The following DCAF17 variants were observed in gnomAD, a reference collection of about 807,000 sequenced individuals.
The protein encoded by DCAF17 is DDB1- and CUL4-associated factor 17.
Under a neutral mutation model 66.0 loss-of-function variants are expected in DCAF17, and 48 were observed. The observed-to-expected ratio is 0.73, with a 90% CI of 0.58 to 0.92. DCAF17 has a LOEUF of 0.92. Ranked by LOEUF, DCAF17 falls within the 40% of genes least tolerant of loss-of-function variation. The probability of loss-of-function intolerance (pLI) is 0.00; values close to 1 mark genes in which losing one functional copy is unlikely to be tolerated. For synonymous variants in DCAF17, 206 were observed against 214.6 expected (o/e 0.96, Z 0.35); for missense variants, 562 against 622.8 (o/e 0.90, Z 1.04).
intron 9 of DCAF17, 57 bp from the exon 10 acceptor site, chr2:171,473,809 G>A: frequency 1.4e-6 from 2 of 1,410,664 alleles, no homozygotes; most frequent in African/African-American, 1.4e-5. Flanking sequence ...GGTTAGATTT[G>A]TAAAATCATT....
At chr2:171,462,796 A>C (rs1165710342) in intron 8 of DCAF17, among the ~76,000 whole-genome samples, 1 of 152,214 alleles carries the variant, frequency 6.6e-6, no homozygotes, top group East Asian at 1.9e-4. Flanking sequence ...GAAACAATCT[A>C]TACATTGGTA....
chr2:171,472,849 G>A (rs149213719), intron 9 of DCAF17: 4 of 289,694 alleles, frequency 1.4e-5, no homozygotes, highest in East Asian at 1.1e-4. Flanking sequence ...AGGAAATATG[G>A]CATCATTTCA....
Position 171,457,961 on chromosome 2 carries a change from C to A in DCAF17, c.628-10C>A, listed in dbSNP as rs937149804. On this transcript the variant is annotated splice_polypyrimidine_tract_variant and intron_variant, in intron 6 of 13. Transcript: ENST00000375255. ...TTTTCTCAGGTGATATCTGTCTTTCCCCCCGCCAGATTTTTGGGAACGTTA... is the reference window on the plus strand; with the variant it reads ...TTTTCTCAGGTGATATCTGTCTTTCACCCCGCCAGATTTTTGGGAACGTTA... 5 of 1,606,334 alleles carry A rather than the reference C, an allele frequency of 3.1e-6. No homozygotes were observed. The highest frequency in any genetic ancestry group is 1.7e-5 in the Admixed American group (1 of 59,992).
chr2:171,446,596 T>G (rs1358961193), intron 3 of DCAF17, among the ~76,000 whole-genome samples: 1 of 151,922 alleles, frequency 6.6e-6, no homozygotes, highest in African/African-American at 2.4e-5. Flanking sequence ...ATAATGAATC[T>G]AAGTGATAAA....
In DCAF17 at chr2:171,483,231, C is replaced by G. The variant is rs1008677186; in HGVS notation, c.*2117C>G. ...CCACCTGCCAGACATTAATGTCTTCCTGCCCTACCTAAACCCCCTCTTTAC... is the reference window on the plus strand; with the variant it reads ...CCACCTGCCAGACATTAATGTCTTCGTGCCCTACCTAAACCCCCTCTTTAC... On this transcript the variant is annotated 3_prime_UTR_variant, in exon 14 of 14. Transcript: ENST00000375255. 2 of 454,120 alleles carry G rather than the reference C, an allele frequency of 4.4e-6. No homozygotes were observed. The highest frequency in any genetic ancestry group is 1.6e-5 in the South Asian group (1 of 64,476). 28.1% of individuals were successfully genotyped at this position (454,120 alleles called of 1,614,324 possible).
intron 8 of DCAF17, among the ~76,000 whole-genome samples, chr2:171,468,405 TGTATACCTGA>T (rs1353029373): frequency 6.6e-6 from 1 of 152,196 alleles, no homozygotes; most frequent in African/African-American, 2.4e-5. Context: ...GCAAGATAGA[TGTATACCTGA>T]GTATACCTGT....
Position 171,483,531 on chromosome 2 carries a change from A to G in DCAF17, c.*2417A>G, listed in dbSNP as rs1388054480. The G allele has an allele frequency of 1.8e-5, 8 of 454,012 alleles. No individual in the cohort carries two copies. In the Admixed American group the frequency reaches 1.9e-4, roughly 11 times the overall value. The allele number at this position is 454,012 out of a possible 1,614,324, so 28.1% of individuals were successfully genotyped here. A position where few individuals can be genotyped will look rare whatever the true frequency, so the allele number is the denominator to read the frequency against. On this transcript the variant is annotated 3_prime_UTR_variant, in exon 14 of 14. Transcript: ENST00000375255. Reference sequence around the variant, plus strand: ...ATTTATCACAACTCTGGGAGAAAACAAAACAAATCCTATCCTATTTACTAT... The same window carrying G: ...ATTTATCACAACTCTGGGAGAAAACGAAACAAATCCTATCCTATTTACTAT...
At chr2:171,473,997 T>G (rs781101492) in intron 10 of DCAF17, 22 bp downstream of exon 10, 5 of 1,594,068 alleles carry the variant, frequency 3.1e-6, no homozygotes, top group Non-Finnish European at 3.4e-6. Flanking sequence ...CATTAGCACT[T>G]GAAAGTTAAG....
At chr2:171,469,101 C>G (rs1696090199) in intron 9 of DCAF17, 71 bp downstream of exon 9, 1 of 1,521,022 alleles carries the variant, frequency 6.6e-7, no homozygotes, top group African/African-American at 1.4e-5. Context: ...CTCAAATAGG[C>G]CCACATTCCT....
chr2:171,473,511 T>C (rs1696356622), intron 9 of DCAF17, among the ~76,000 whole-genome samples: 1 of 152,168 alleles, frequency 6.6e-6, no homozygotes. Context: ...TGTATCAGTT[T>C]TCAGTACTTC....
At chr2:171,477,654 T>C (rs1407072941) in intron 11 of DCAF17, among the ~76,000 whole-genome samples, 1 of 152,102 alleles carries the variant, frequency 6.6e-6, no homozygotes, top group Non-Finnish European at 1.5e-5. Context: ...TAGCCAGGCA[T>C]GGTGGTGTAT....
rs1356549150 is a variant in DCAF17, at chr2:171,484,928, G to C, written c.*3814G>C. 2 of 453,690 alleles carry C rather than the reference G, an allele frequency of 4.4e-6. No homozygotes were observed. The highest frequency in any genetic ancestry group is 4.0e-5 in the African/African-American group (2 of 49,924). The allele number at this position is 453,690 out of a possible 1,614,324, so 28.1% of individuals were successfully genotyped here. A position where few individuals can be genotyped will look rare whatever the true frequency, so the allele number is the denominator to read the frequency against. On this transcript the variant is annotated 3_prime_UTR_variant, in exon 14 of 14. Coordinates refer to ENST00000375255, the MANE Select transcript of DCAF17 (RefSeq NM_025000.4). Reference sequence around the variant, plus strand: ...TGTCAGTGATTCATTTCTTTTTATTGCTGAGTATTCTTTCGTATGAATATA... The same window carrying C: ...TGTCAGTGATTCATTTCTTTTTATTCCTGAGTATTCTTTCGTATGAATATA...
Position 171,482,985 on chromosome 2 carries a change from A to G in DCAF17, c.*1871A>G, listed in dbSNP as rs769952651. 2.2e-5 allele frequency: 10 copies of G among 454,000 alleles called. No homozygotes were observed. Among genetic ancestry groups the G allele is most frequent in the African/African-American group, 4.0e-5 (2 of 50,008 alleles). The allele number at this position is 454,000 out of a possible 1,614,324, so 28.1% of individuals were successfully genotyped here. A position where few individuals can be genotyped will look rare whatever the true frequency, so the allele number is the denominator to read the frequency against. On this transcript the variant is annotated 3_prime_UTR_variant, in exon 14 of 14. Coordinates refer to ENST00000375255, the MANE Select transcript of DCAF17 (RefSeq NM_025000.4). ...GGGCAGTGTAACAAACAGGAGAGCTATGCCCCAACTAAAAGGAGCAGCTGC... is the reference window on the plus strand; with the variant it reads ...GGGCAGTGTAACAAACAGGAGAGCTGTGCCCCAACTAAAAGGAGCAGCTGC...
Position 171,481,168 on chromosome 2 carries a change from T to C in DCAF17, c.*54T>C. ...ACTTTTAGCCAAACACCCCAGCAGC[T>C]GCGTCCAATCCATTTTATTATCTGC... On this transcript the variant is annotated 3_prime_UTR_variant, in exon 14 of 14. Transcript: ENST00000375255. 1.9e-6 allele frequency: 3 copies of C among 1,608,872 alleles called. No individual in the cohort carries two copies. The highest frequency in any genetic ancestry group is 2.6e-6 in the Non-Finnish European group (3 of 1,175,842).
Position 171,483,942 on chromosome 2 carries a change from A to G in DCAF17, c.*2828A>G, listed in dbSNP as rs569647129. 4.4e-6 allele frequency: 2 copies of G among 454,106 alleles called. No individual in the cohort carries two copies. The highest frequency in any genetic ancestry group is 3.1e-5 in the South Asian group (2 of 64,474). 28.1% of individuals were successfully genotyped at this position (454,106 alleles called of 1,614,324 possible). A position where few individuals can be genotyped will look rare whatever the true frequency, so the allele number is the denominator to read the frequency against. On this transcript the variant is annotated 3_prime_UTR_variant, in exon 14 of 14. Transcript: ENST00000375255. ...AGGCAAGGCATGTTATTTTATCCCA[A>G]TTTAGCATACCAACAACTATAATAC...
intron 3 of DCAF17, 39 bp from the exon 4 acceptor site, chr2:171,448,642 C>T (rs112682130): frequency 1.3e-6 from 2 of 1,516,770 alleles, no homozygotes; most frequent in African/African-American, 2.8e-5. Context: ...TGTTCATGGC[C>T]AAGCAGTTTC....
In DCAF17 at chr2:171,485,020, A is replaced by G; in HGVS notation, c.*3906A>G. The stretch of plus-strand genomic sequence containing the variant: ...CTCTTTCTGCTTGTTTTTTACTGTT[A>G]TGAATAAAGCTGCTATGAACATTCT... On this transcript the variant is annotated 3_prime_UTR_variant, in exon 14 of 14. Transcript: ENST00000375255. 1 of 453,596 alleles carries G rather than the reference A, an allele frequency of 2.2e-6. No individual in the cohort carries two copies. Among genetic ancestry groups the G allele is most frequent in the South Asian group, 1.6e-5 (1 of 64,358 alleles). 28.1% of individuals were successfully genotyped at this position (453,596 alleles called of 1,614,324 possible). A position where few individuals can be genotyped will look rare whatever the true frequency, so the allele number is the denominator to read the frequency against.
chr2:171,443,098 A>G (rs1316578149), intron 2 of DCAF17: 2 of 151,956 alleles, frequency 1.3e-5, no homozygotes, highest in African/African-American at 2.4e-5. Context: ...TTTTCATTCT[A>G]AAATAATGGG....
In DCAF17 at chr2:171,484,717, A is replaced by C. The variant is rs749242448; in HGVS notation, c.*3603A>C. On this transcript the variant is annotated 3_prime_UTR_variant, in exon 14 of 14. Transcript: ENST00000375255. ...TTTAGACCATTGCAATCATCTTCAGAAAGTTTCCTAAATCCCTCTCCCAGT... is the reference window on the plus strand; with the variant it reads ...TTTAGACCATTGCAATCATCTTCAGCAAGTTTCCTAAATCCCTCTCCCAGT... 15 of 453,936 alleles carry C rather than the reference A, an allele frequency of 3.3e-5. No homozygotes were observed. The highest frequency in any genetic ancestry group is 5.3e-5 in the Non-Finnish European group (12 of 226,776). 28.1% of individuals were successfully genotyped at this position (453,936 alleles called of 1,614,324 possible). A position where few individuals can be genotyped will look rare whatever the true frequency, so the allele number is the denominator to read the frequency against.
Sources: allele counts gnomAD v4.1 joint callset (sites outside exome capture counted in the v4.1 genomes callset), GRCh38; gene constraint gnomAD v4.1.1; transcripts MANE v1.5; gene names NCBI Gene and HGNC (gene_info 2026-07-23, HGNC 2026-07-21).